PBX1: variants seen among roughly 807,000 people sequenced by gnomAD.
PBX1 encodes PBX homeobox 1.
Under a neutral mutation model 53.4 loss-of-function variants are expected in PBX1, and 6 were observed. The ratio of observed to expected loss-of-function variants is 0.11; its 90% confidence interval spans 0.06 to 0.22. The LOEUF (loss-of-function observed/expected upper bound fraction) is 0.22, where lower values mean the gene tolerates loss of function less well. Among genes scored for constraint, PBX1 ranks in the 10% least tolerant of loss-of-function variants. The pLI is 1.00. For synonymous variants in PBX1, 204 were observed against 212.3 expected (o/e 0.96, Z 0.34); for missense variants, 251 against 551.4 (o/e 0.46, Z 5.46).
At chr1:164,796,768 C>T (rs1668807294) in intron 3 of PBX1, among the ~76,000 whole-genome samples, 2 of 152,212 alleles carry the variant, frequency 1.3e-5, no homozygotes, top group South Asian at 4.1e-4. Context: ...GCAGCCTGAG[C>T]TCCCAGAAAG....
chr1:164,633,808 C>T (rs1445395377), intron 2 of PBX1, among the ~76,000 whole-genome samples: 4 of 152,208 alleles, frequency 2.6e-5, no homozygotes, highest in Non-Finnish European at 5.9e-5. Flanking sequence ...GTAGTATCTA[C>T]TTCATAGGTA....
Position 164,846,871 on chromosome 1 carries a change from T to C in PBX1, c.*195T>C, listed in dbSNP as rs14832. On this transcript the variant is annotated 3_prime_UTR_variant, in exon 9 of 9. Coordinates refer to ENST00000420696, the MANE Select transcript of PBX1 (RefSeq NM_002585.4). Reference sequence around the variant, plus strand: ...GGACACTTCTTTATACTCTCTTCCCTTTTTTTTCTGGGTAGAAGCCACCCT... The same window carrying C: ...GGACACTTCTTTATACTCTCTTCCCCTTTTTTTCTGGGTAGAAGCCACCCT... The C allele has an allele frequency of 1.4e-6, 2 of 1,391,898 alleles. No homozygotes were observed. Among genetic ancestry groups the C allele is most frequent in the East Asian group, 2.5e-5 (1 of 39,242 alleles). The allele number at this position is 1,391,898 out of a possible 1,614,324, so 86.2% of individuals were successfully genotyped here. A position where few individuals can be genotyped will look rare whatever the true frequency, so the allele number is the denominator to read the frequency against.
chr1:164,594,862 C>T (rs1655651959), intron 2 of PBX1, among the ~76,000 whole-genome samples: 1 of 152,182 alleles, frequency 6.6e-6, no homozygotes, highest in South Asian at 2.1e-4. Flanking sequence ...CAGCACAGAT[C>T]TACTCCAAAT....
In PBX1 at chr1:164,700,442, T is replaced by C. The variant is rs554976462; in HGVS notation, c.266-92052T>C. 10 of 985,054 alleles carry C rather than the reference T, an allele frequency of 1.0e-5. No individual in the cohort carries two copies. The African/African-American group carries it at 1.4e-4, about 14-fold the overall frequency. The allele number at this position is 985,054 out of a possible 1,614,324, so 61.0% of individuals were successfully genotyped here. A position where few individuals can be genotyped will look rare whatever the true frequency, so the allele number is the denominator to read the frequency against. On this transcript the variant is annotated intron_variant, in intron 2 of 8. Coordinates refer to ENST00000420696, the MANE Select transcript of PBX1 (RefSeq NM_002585.4). ...ACTTAAGAGAAGTGCTTTGGTTACG[T>C]AGGGGAGGAGATTCATGTTACTTGA...
intron 2 of PBX1, among the ~76,000 whole-genome samples, chr1:164,877,618 G>C: frequency 6.6e-6 from 1 of 151,952 alleles, no homozygotes; most frequent in South Asian, 2.1e-4. Context: ...AGCTGAGATC[G>C]CGCCACTGCA....
intron 2 of PBX1, among the ~76,000 whole-genome samples, chr1:164,570,826 G>C (rs994297548): frequency 6.6e-6 from 1 of 152,226 alleles, no homozygotes; most frequent in African/African-American, 2.4e-5. Context: ...GTCACCAACA[G>C]TGTAAAAGAA....
chr1:164,561,501 G>T (rs780552492), intron 1 of PBX1, among the ~76,000 whole-genome samples: 1 of 152,154 alleles, frequency 6.6e-6, no homozygotes, highest in African/African-American at 2.4e-5. Flanking sequence ...AAGCTAATAG[G>T]TATGGTAAGA....
chr1:164,561,276 G>C (rs1653021005), intron 1 of PBX1, among the ~76,000 whole-genome samples: 1 of 152,170 alleles, frequency 6.6e-6, no homozygotes, highest in South Asian at 2.1e-4. Flanking sequence ...TCTGAGTTGA[G>C]AAAATGAGAG....
At chr1:164,653,670 T>C (rs970250007) in intron 2 of PBX1, among the ~76,000 whole-genome samples, 3 of 152,160 alleles carry the variant, frequency 2.0e-5, no homozygotes, top group African/African-American at 7.2e-5. Flanking sequence ...CTTGGGAGAC[T>C]AAGGCAGGAG....
chr1:164,670,269 T>C (rs7511919), intron 2 of PBX1, among the ~76,000 whole-genome samples: 21 of 152,324 alleles, frequency 1.4e-4, no homozygotes, highest in African/African-American at 3.6e-4. Flanking sequence ...TGATGACTGA[T>C]AGGCTGAAGA....
At chr1:164,870,266 C>CTTCTTTCTTTCTTTCT (rs1162744857) in intron 2 of PBX1, among the ~76,000 whole-genome samples, 4 of 45,212 alleles carry the variant, frequency 8.8e-5, no homozygotes, top group African/African-American at 1.4e-4. Flanking sequence ...TCCTTCCTTC[C>CTTCTTTCTTTCTTTCT]TTCTTTCTTT....
chr1:164,559,765 C>T lies in PBX1; in HGVS notation c.-58C>T. On this transcript the variant is annotated 5_prime_UTR_variant, in exon 1 of 9. Coordinates refer to ENST00000420696, the MANE Select transcript of PBX1 (RefSeq NM_002585.4). Reference sequence around the variant, plus strand: ...AAGGATAAAAAGCCTTGGTGCTTCCCAGGAGCCGAGCCGAGGAGCAGAAGA... The same window carrying T: ...AAGGATAAAAAGCCTTGGTGCTTCCTAGGAGCCGAGCCGAGGAGCAGAAGA... 7.2e-7 allele frequency: 1 copy of T among 1,386,678 alleles called. No homozygotes were observed. Among genetic ancestry groups the T allele is most frequent in the Non-Finnish European group, 9.7e-7 (1 of 1,027,864 alleles). 85.9% of individuals were successfully genotyped at this position (1,386,678 alleles called of 1,614,324 possible). A position where few individuals can be genotyped will look rare whatever the true frequency, so the allele number is the denominator to read the frequency against.
intron 8 of PBX1, among the ~76,000 whole-genome samples, chr1:164,830,639 G>A (rs1460716192): frequency 2.0e-5 from 3 of 152,130 alleles, no homozygotes; most frequent in Non-Finnish European, 4.4e-5. Flanking sequence ...AGCCCAAGCA[G>A]GACATGTCTT....
At chr1:164,562,047 C>CT (rs1218399101) in intron 1 of PBX1, among the ~76,000 whole-genome samples, 1 of 151,386 alleles carries the variant, frequency 6.6e-6, no homozygotes, top group Non-Finnish European at 1.5e-5. Flanking sequence ...ATAGTATGTC[C>CT]TTTTTTCCTT....
intron 2 of PBX1, among the ~76,000 whole-genome samples, chr1:164,619,336 A>G (rs1028167247): frequency 6.6e-6 from 1 of 152,134 alleles, no homozygotes; most frequent in Non-Finnish European, 1.5e-5. Flanking sequence ...TGGCAGAGGA[A>G]AAAAGACCAT....
At chr1:164,792,349 C>T (rs533607792) in intron 2 of PBX1, 145 bp from the exon 3 acceptor site, 2 of 1,410,966 alleles carry the variant, frequency 1.4e-6, no homozygotes. Flanking sequence ...CAGTTTCTCT[C>T]TTTTTCCAGC....
intron 2 of PBX1, among the ~76,000 whole-genome samples, chr1:164,623,612 G>C (rs144297999): frequency 6.6e-6 from 1 of 152,002 alleles, no homozygotes; most frequent in South Asian, 2.1e-4. Flanking sequence ...CCTTTTCCTC[G>C]TGCCTTGCAT....
At chr1:164,654,680 TC>T (rs2101931268) in intron 2 of PBX1, among the ~76,000 whole-genome samples, 1 of 152,358 alleles carries the variant, frequency 6.6e-6, no homozygotes, top group Non-Finnish European at 1.5e-5. Flanking sequence ...AGTTCTACTT[TC>T]TTCTCCATTC....
At chr1:164,669,813 G>A (rs1270986053) in intron 2 of PBX1, among the ~76,000 whole-genome samples, 1 of 152,160 alleles carries the variant, frequency 6.6e-6, no homozygotes, top group African/African-American at 2.4e-5. Context: ...GTCATGAAGT[G>A]TCTATTATTG....
Sources: gnomAD v4.1 joint callset for allele counts (sites outside exome capture counted in the v4.1 genomes callset) on GRCh38, gnomAD v4.1.1 for gene constraint, MANE v1.5 for transcripts, NCBI Gene and HGNC (gene_info 2026-07-23, HGNC 2026-07-21) for gene names.